GABRG3: variants seen among roughly 807,000 people sequenced by gnomAD.
The protein encoded by GABRG3 is gamma-aminobutyric acid type A receptor subunit gamma3.
Under a neutral mutation model 48.8 loss-of-function variants are expected in GABRG3, and 25 were observed. The ratio of observed to expected loss-of-function variants is 0.51; its 90% CI spans 0.37 to 0.72. The LOEUF is 0.72. Ranked by LOEUF, GABRG3 falls within the 30% of genes least tolerant of loss-of-function variation. The probability of loss-of-function intolerance (pLI) is 0.00; values close to 1 mark genes in which losing one functional copy is unlikely to be tolerated. For missense variants in GABRG3, 394 were observed against 577.9 expected, an observed-to-expected ratio of 0.68 and a Z score of 3.26; for synonymous variants, 227 against 217.6, an observed-to-expected ratio of 1.04 and a Z score of -0.38.
chr15:27,007,441 A>T (rs1399600193), intron 2 of GABRG3, among the ~76,000 whole-genome samples: 1 of 152,142 alleles, frequency 6.6e-6, no homozygotes. Flanking sequence ...CAATAATAGG[A>T]TTGTTGGGGC....
chr15:27,435,479 C>T (rs1216673943), intron 5 of GABRG3, among the ~76,000 whole-genome samples: 6 of 152,104 alleles, frequency 3.9e-5, no homozygotes, highest in African/African-American at 1.4e-4. Context: ...TTGCACACAG[C>T]CATGGTGCAC....
At chr15:27,365,080 T>C (rs1267721297) in intron 5 of GABRG3, 1 of 152,204 alleles carries the variant, frequency 6.6e-6, no homozygotes, top group East Asian at 1.9e-4. Context: ...GTTTAATTTT[T>C]GTTCTTGCTG....
At chr15:27,291,639 G>C (rs1409963410) in intron 3 of GABRG3, among the ~76,000 whole-genome samples, 1 of 152,204 alleles carries the variant, frequency 6.6e-6, no homozygotes, top group Non-Finnish European at 1.5e-5. Flanking sequence ...TAAAGAAAAT[G>C]AGTATCTTGT....
chr15:27,336,976 T>A (rs930548791), intron 5 of GABRG3, among the ~76,000 whole-genome samples: 19 of 152,156 alleles, frequency 1.2e-4, no homozygotes, highest in African/African-American at 4.3e-4. Flanking sequence ...AGAGCTAAGG[T>A]GGAGTTGTTA....
intron 5 of GABRG3, among the ~76,000 whole-genome samples, chr15:27,425,159 G>C (rs1350044289): frequency 6.6e-6 from 1 of 152,154 alleles, no homozygotes; most frequent in Non-Finnish European, 1.5e-5. Flanking sequence ...ACAGCTGGAG[G>C]CCCCTGGCTT....
chr15:27,368,192 A>C (rs1393917009), intron 5 of GABRG3, among the ~76,000 whole-genome samples: 1 of 152,198 alleles, frequency 6.6e-6, no homozygotes, highest in Non-Finnish European at 1.5e-5. Context: ...GTCAAGATCA[A>C]GGTGTGAGTT....
intron 3 of GABRG3, among the ~76,000 whole-genome samples, chr15:27,233,298 C>A (rs1401284954): frequency 6.6e-6 from 1 of 151,984 alleles, no homozygotes; most frequent in African/African-American, 2.4e-5. Context: ...ACCTTTCTAG[C>A]GAGCATAAAA....
At chr15:27,526,064 A>G (rs1350070242) in intron 7 of GABRG3, among the ~76,000 whole-genome samples, 1 of 152,208 alleles carries the variant, frequency 6.6e-6, no homozygotes, top group Non-Finnish European at 1.5e-5. Flanking sequence ...TTTACCACCT[A>G]TATTAAAGAG....
intron 2 of GABRG3, among the ~76,000 whole-genome samples, chr15:27,018,450 C>T (rs1895818718): frequency 6.6e-6 from 1 of 152,124 alleles, no homozygotes. Flanking sequence ...TGTAGAATGT[C>T]ACTGTTTGCC....
At position 27,145,917 on chromosome 15, in the gene GABRG3, C is replaced by A. The variant is rs542627764; in HGVS notation, c.270+119096C>A. Among the ~76,000 whole-genome samples, 7 of 152,022 alleles carry A rather than the reference C, an allele frequency of 4.6e-5. No homozygotes were observed. In the South Asian group the frequency reaches 1.5e-3, roughly 32 times the overall value. ...CCTCAGTAAGCTTAACAGTTAATTTCTCCTGAAAACACATAGATGTTAGAA... is the reference window on the plus strand; with the variant it reads ...CCTCAGTAAGCTTAACAGTTAATTTATCCTGAAAACACATAGATGTTAGAA... On this transcript the variant is annotated intron_variant, in intron 3 of 9. Transcript: ENST00000615808.
At chr15:27,106,230 G>T (rs1897447692) in intron 3 of GABRG3, among the ~76,000 whole-genome samples, 1 of 151,972 alleles carries the variant, frequency 6.6e-6, no homozygotes, top group South Asian at 2.1e-4. Context: ...TAATAAAATT[G>T]TACTGTATTT....
chr15:27,149,946 A>G (rs766040433), intron 3 of GABRG3, among the ~76,000 whole-genome samples: 11 of 152,200 alleles, frequency 7.2e-5, no homozygotes, highest in Non-Finnish European at 1.0e-4. Context: ...CTAAGCAGAC[A>G]TTTATTACTA....
intron 3 of GABRG3, among the ~76,000 whole-genome samples, chr15:27,284,570 A>G (rs1206996190): frequency 6.6e-6 from 1 of 152,136 alleles, no homozygotes; most frequent in African/African-American, 2.4e-5. Context: ...CCCCTTTTTT[A>G]TTGTTGAAAG....
At chr15:27,311,116 A>G (rs971503423) in intron 3 of GABRG3, among the ~76,000 whole-genome samples, 1 of 152,222 alleles carries the variant, frequency 6.6e-6, no homozygotes, top group African/African-American at 2.4e-5. Context: ...AAGACAGAAT[A>G]GGAAGCCCTG....
At chr15:27,392,279 T>C (rs1887155812) in intron 5 of GABRG3, among the ~76,000 whole-genome samples, 1 of 152,208 alleles carries the variant, frequency 6.6e-6, no homozygotes, top group Admixed American at 6.5e-5. Flanking sequence ...AGATACCACA[T>C]TGCATTTAGC....
chr15:27,479,701 A>G (rs1242112624), intron 5 of GABRG3, among the ~76,000 whole-genome samples: 2 of 152,240 alleles, frequency 1.3e-5, no homozygotes, highest in Non-Finnish European at 2.9e-5. Flanking sequence ...CAGTGTCTGT[A>G]TGAATCAATG....
intron 3 of GABRG3, among the ~76,000 whole-genome samples, chr15:27,117,952 A>G (rs1057187442): frequency 2.1e-4 from 32 of 152,130 alleles, no homozygotes; most frequent in African/African-American, 7.0e-4. Flanking sequence ...ATGCAGGTGT[A>G]AGACCTAGAT....
chr15:27,526,536 C>T (rs946024972), intron 7 of GABRG3, among the ~76,000 whole-genome samples: 1 of 152,112 alleles, frequency 6.6e-6, no homozygotes, highest in Admixed American at 6.6e-5. Flanking sequence ...TCGGGAGAGT[C>T]AGTCTTAGCC....
intron 5 of GABRG3, among the ~76,000 whole-genome samples, chr15:27,387,191 G>C (rs1350506436): frequency 1.3e-5 from 2 of 151,490 alleles, no homozygotes; most frequent in African/African-American, 4.9e-5. Flanking sequence ...GTTAGACAAG[G>C]CTACCATGTG....
Sources: allele counts gnomAD v4.1 joint callset (sites outside exome capture counted in the v4.1 genomes callset), GRCh38; gene constraint gnomAD v4.1.1; transcripts MANE v1.5; gene names NCBI Gene and HGNC (gene_info 2026-07-23, HGNC 2026-07-21).